Variants in PLXNB1 observed in about 807,000 individuals in gnomAD.
PLXNB1 encodes the protein plexin B1.
A neutral mutation model predicts 209.4 loss-of-function variants in PLXNB1; 106 were observed. The ratio of observed to expected loss-of-function variants is 0.51; its 90% CI spans 0.43 to 0.59. The LOEUF (loss-of-function observed/expected upper bound fraction) is 0.59. Ranked by LOEUF, PLXNB1 falls within the 20% of genes least tolerant of loss-of-function variation. PLXNB1 has a pLI of 0.00. For missense variants in PLXNB1, 2,357 were observed against 2,853.2 expected, an observed-to-expected ratio of 0.83 and a Z score of 3.96; for synonymous variants, 1,167 against 1,183.2, an observed-to-expected ratio of 0.99 and a Z score of 0.28.
At position 48,407,021 on chromosome 3, in the gene PLXNB1, C is replaced by T. The variant is rs1466696002; in HGVS notation, c.6152+6G>A. The T allele has an allele frequency of 1.2e-6, 2 of 1,614,098 alleles. No homozygotes were observed. Among genetic ancestry groups the T allele is most frequent in the Non-Finnish European group, 8.5e-7 (1 of 1,179,972 alleles). On this transcript the variant is annotated splice_donor_region_variant and intron_variant, in intron 35 of 37. Coordinates refer to ENST00000296440, the MANE Select transcript of PLXNB1 (RefSeq NM_001130082.3). Reference sequence around the variant, plus strand: ...TCCAACCTCTACCCACCGTGCCCTCCAGTACCTTTCCACCATCCGCTTGTA... The same window carrying T: ...TCCAACCTCTACCCACCGTGCCCTCTAGTACCTTTCCACCATCCGCTTGTA...
rs944970439 is a variant in PLXNB1, at chr3:48,404,260, C to A, written c.*226G>T. On this transcript the variant is annotated 3_prime_UTR_variant, in exon 38 of 38. Transcript: ENST00000296440. ...CCTGCAGACCGGTGTCACAGGGTCG[C>A]TGGACTCGGGGAGCAGGCTGGGTAC... The A allele has an allele frequency of 7.5e-6, 4 of 534,784 alleles. No individual in the cohort carries two copies. In the African/African-American group the frequency reaches 7.6e-5, roughly 10 times the overall value. The allele number at this position is 534,784 out of a possible 1,614,324, so 33.1% of individuals were successfully genotyped here.
At chr3:48,407,149 C>T in intron 34 of PLXNB1, 58 bp from the exon 35 acceptor site, 4 of 1,491,918 alleles carry the variant, frequency 2.7e-6, no homozygotes, top group South Asian at 1.1e-5. Flanking sequence ...GGTCCCTGTT[C>T]GAGTGATCAA....
Position 48,404,499 on chromosome 3 carries a change from A to G in PLXNB1, c.6395T>C (p.Val2132Ala). The change falls in exon 38 of 38, where the codon GTC becomes GCC. Residue 2132 changes from valine to alanine, a missense_variant. This residue lies in a region of PLXNB1 where 414 missense variants were observed against 520.5 expected (regional missense o/e 0.80). Coordinates refer to ENST00000296440, the MANE Select transcript of PLXNB1 (RefSeq NM_001130082.3). ...GCTCCTGGGTTCCTATAGATCTGTG[A>G]CCTTGTTTTCCACAGCAGCTGCAAT... ...QQIAAAVENK[V>A]TDL 6.2e-7 allele frequency: 1 copy of G among 1,611,898 alleles called. No homozygotes were observed. The highest frequency in any genetic ancestry group is 8.5e-7 in the Non-Finnish European group (1 of 1,178,176).
rs1367575526 is a variant in PLXNB1 at position 48,419,522 on chromosome 3, T to G, written c.2709+55A>C. On this transcript the variant is annotated intron_variant, in intron 11 of 37. Transcript: ENST00000296440. The surrounding 1 kb of genome is among the most constrained non-coding windows in gnomAD (Gnocchi z 5.7). ...GCAGAATCACAAGGCAAGCTAGGGG[T>G]AGCATCTTCCCCACATCCCCTCCCC... is the stretch of plus-strand genomic sequence containing the variant. The G allele has an allele frequency of 2.6e-6, 4 of 1,530,228 alleles. No homozygotes were observed. Among genetic ancestry groups the G allele is most frequent in the Non-Finnish European group, 3.6e-6 (4 of 1,124,184 alleles). The allele number at this position is 1,530,228 out of a possible 1,614,324, so 94.8% of individuals were successfully genotyped here. A position where few individuals can be genotyped will look rare whatever the true frequency, so the allele number is the denominator to read the frequency against.
Position 48,413,995 on chromosome 3 carries a change from G to A in PLXNB1, c.4286C>T (p.Thr1429Met), listed in dbSNP as rs754288858. The A allele has an allele frequency of 2.5e-6, 4 of 1,613,840 alleles. No homozygotes were observed. Among genetic ancestry groups the A allele is most frequent in the Admixed American group, 1.7e-5 (1 of 60,024 alleles). ...GCAGTACAGGTGGTGCCGCGTCAGC[G>A]TCTTCACCACACAGGGGCCATCCCC... The part of the protein sequence containing the change: ...MIGDGPCVVK[T>M]LTRHHLYCEP... Residue 1429 changes from threonine (T) to methionine (M), a missense_variant, in exon 22 of 38, where the codon ACG (threonine) becomes ATG (methionine). Thr to Met is a moderately conservative substitution (Grantham distance 81, BLOSUM62 -1). This residue lies in a region of PLXNB1 where 743 missense variants were observed against 896.2 expected (regional missense o/e 0.83). Coordinates refer to ENST00000296440, the MANE Select transcript of PLXNB1 (RefSeq NM_001130082.3). This position sits in a 1 kb window ranked among gnomAD's most constrained non-coding sequence, Gnocchi z 5.4.
rs2039055587 is a variant in PLXNB1 at position 48,429,145 on chromosome 3, C to G, written c.-60+863G>C. 6.6e-6 allele frequency: 1 copy of G among 152,240 alleles called. No homozygotes were observed. Among genetic ancestry groups the G allele is most frequent in the African/African-American group, 2.4e-5 (1 of 41,460 alleles). The allele number at this position is 152,240 out of a possible 1,614,324, so 9.4% of individuals were successfully genotyped here. On this transcript the variant is annotated intron_variant, in intron 1 of 37. Transcript: ENST00000296440. The surrounding 1 kb of genome is among the most constrained non-coding windows in gnomAD (Gnocchi z 6.4). ...TGGTCCCAACTCTCAAAACCAAAGC[C>G]GCCCACCACTCACCCAGGCCGCCCC... is the stretch of plus-strand genomic sequence containing the variant.
In PLXNB1 at chr3:48,410,589, G is replaced by T. The variant is rs1170745779; in HGVS notation, c.5417-31C>A. 2.6e-6 allele frequency: 4 copies of T among 1,563,682 alleles called. No homozygotes were observed. Among genetic ancestry groups the T allele is most frequent in the Middle Eastern group, 4.0e-4 (2 of 4,962 alleles). ...AGGGCAAGGCAGAACTGGGTGCAGG[G>T]CTGGAAGATACCCTTCCCATAGTGG... On this transcript the variant is annotated intron_variant, in intron 29 of 37. Coordinates refer to ENST00000296440, the MANE Select transcript of PLXNB1 (RefSeq NM_001130082.3). This position sits in a 1 kb window ranked among gnomAD's most constrained non-coding sequence, Gnocchi z 6.4.
chr3:48,418,878 C>A lies in PLXNB1; in HGVS notation c.2955+39G>T, dbSNP rs975454339. The A allele has an allele frequency of 6.2e-7, 1 of 1,611,722 alleles. No homozygotes were observed. Among genetic ancestry groups the A allele is most frequent in the Non-Finnish European group, 8.5e-7 (1 of 1,179,048 alleles). On this transcript the variant is annotated intron_variant, in intron 13 of 37. Coordinates refer to ENST00000296440, the MANE Select transcript of PLXNB1 (RefSeq NM_001130082.3). The surrounding 1 kb of genome is among the most constrained non-coding windows in gnomAD (Gnocchi z 6.6). ...GTTGGCAGCCAGCCTGTGGCCAGTG[C>A]AGTGCACCCGTGCCCACCCAGGCGC...
In PLXNB1 at chr3:48,418,302, G is replaced by A. The variant is rs759386063; in HGVS notation, c.3111C>T (p.Pro1037=). The A allele has an allele frequency of 8.7e-6, 14 of 1,613,598 alleles. No individual in the cohort carries two copies. In the Admixed American group the frequency reaches 1.0e-4, roughly 12 times the overall value. ...GDCSRCQTAM[P]QYGCVWCEGE... ...CCTCACACCACACACAGCCATACTG[G>A]GGCATGGCAGTTTGGCAGCGGCTGC... Residue 1037 remains proline (P), a synonymous_variant, in exon 15 of 38, where the codon CCC becomes CCT. Transcript: ENST00000296440. This position sits in a 1 kb window ranked among gnomAD's most constrained non-coding sequence, Gnocchi z 6.6.
rs767985832 is a variant in PLXNB1 at position 48,424,115 on chromosome 3, A to G, written c.497T>C (p.Leu166Pro). Residue 166 changes from leucine to proline, a missense_variant, in exon 3 of 38, where the codon CTG (leucine) becomes CCG (proline). Leu to Pro is a moderately conservative substitution (Grantham distance 98). Transcript: ENST00000296440. ...GCTGGTGTATCCTCGCCCCACAAAC[A>G]GGAGGGGCTCCCCTGCCAAGCCCTG... Reference protein sequence around the residue: ...VAQGLAGEPLLFVGRGYTSRG... With the variant: ...VAQGLAGEPLPFVGRGYTSRG... The G allele has an allele frequency of 6.4e-7, 1 of 1,555,908 alleles. No individual in the cohort carries two copies. Among genetic ancestry groups the G allele is most frequent in the Non-Finnish European group, 8.7e-7 (1 of 1,149,866 alleles).
intron 1 of PLXNB1, among the ~76,000 whole-genome samples, chr3:48,426,615 G>T (rs936645433): frequency 6.6e-6 from 1 of 152,254 alleles, no homozygotes; most frequent in African/African-American, 2.4e-5. Context: ...CCTGGTGGAA[G>T]CCGGGACACT....
At position 48,418,111 on chromosome 3, in the gene PLXNB1, C is replaced by A. The variant is rs768626701; in HGVS notation, c.3223-49G>T. On this transcript the variant is annotated intron_variant, in intron 15 of 37. Transcript: ENST00000296440. The surrounding 1 kb of genome is among the most constrained non-coding windows in gnomAD (Gnocchi z 6.6). ...ACCTCTACTCAACTGGAAAGGCAGCCCCAACCTCCCACCTTTGGGCCCCCA... is the reference window on the plus strand; with the variant it reads ...ACCTCTACTCAACTGGAAAGGCAGCACCAACCTCCCACCTTTGGGCCCCCA... 6.2e-7 allele frequency: 1 copy of A among 1,607,328 alleles called. No individual in the cohort carries two copies. The highest frequency in any genetic ancestry group is 8.5e-7 in the Non-Finnish European group (1 of 1,175,596).
At chr3:48,427,438 T>A (rs977309933) in intron 1 of PLXNB1, among the ~76,000 whole-genome samples, 1 of 152,074 alleles carries the variant, frequency 6.6e-6, no homozygotes, top group African/African-American at 2.4e-5. Context: ...GCACATGGAT[T>A]TCACTTAATC....
intron 3 of PLXNB1, 31 bp from the exon 4 acceptor site, chr3:48,422,978 C>G: frequency 6.3e-7 from 1 of 1,596,334 alleles, no homozygotes; most frequent in Non-Finnish European, 8.6e-7. Flanking sequence ...CAGGAAGGCC[C>G]TCCCTGGATA....
chr3:48,426,623 A>T (rs747388898), intron 1 of PLXNB1, among the ~76,000 whole-genome samples: 1 of 152,330 alleles, frequency 6.6e-6, no homozygotes, highest in South Asian at 2.1e-4. Context: ...AAGCCGGGAC[A>T]CTGTGGCCAC....
In PLXNB1 at chr3:48,423,919, C is replaced by T; in HGVS notation, c.693G>A (p.Leu231=). 2 of 1,614,182 alleles carry T rather than the reference C, an allele frequency of 1.2e-6. No homozygotes were observed. Among genetic ancestry groups the T allele is most frequent in the Admixed American group, 1.7e-5 (1 of 60,028 alleles). Residue 231 remains leucine, a synonymous_variant, in exon 3 of 38, where the codon CTG becomes CTA. Coordinates refer to ENST00000296440, the MANE Select transcript of PLXNB1 (RefSeq NM_001130082.3). ...GAGCCTGCAGGTCCCGCCGCAGGAA[C>T]AGGAAGTAGGCGCTGGCCCCACGTG... is the stretch of plus-strand genomic sequence containing the variant. The part of the protein sequence containing the change: ...AFARGASAYF[L]FLRRDLQAQS...
rs751679973 is a variant in PLXNB1, at chr3:48,405,674, C to G, written c.6303+50G>C. On this transcript the variant is annotated intron_variant, in intron 37 of 37. Coordinates refer to ENST00000296440, the MANE Select transcript of PLXNB1 (RefSeq NM_001130082.3). This position sits in a 1 kb window ranked among gnomAD's most constrained non-coding sequence, Gnocchi z 5.0. ...CACAGGGTCAGAGCCCCTTAAGTCT[C>G]CTGGGAGGCCTTGGGTCAGCCTCCC... is the stretch of plus-strand genomic sequence containing the variant. 5.5e-6 allele frequency: 8 copies of G among 1,451,710 alleles called. No homozygotes were observed. The highest frequency in any genetic ancestry group is 1.7e-4 in the Middle Eastern group (1 of 5,744). 89.9% of individuals were successfully genotyped at this position (1,451,710 alleles called of 1,614,324 possible).
chr3:48,417,969 C>T lies in PLXNB1; in HGVS notation c.3316G>A (p.Val1106Ile). ...GCACAGGGCACTCCAGCCACCGTGA[C>T]CATGCCCAGCACATCCTGCACATGC... is the stretch of plus-strand genomic sequence containing the variant. ...GQHVQDVLGMVTVAGVPCAVD... is the reference protein window; with the variant it reads ...GQHVQDVLGMITVAGVPCAVD... Residue 1106 changes from valine to isoleucine, a missense_variant, in exon 16 of 38, where the codon GTC (valine) becomes ATC (isoleucine). Coordinates refer to ENST00000296440, the MANE Select transcript of PLXNB1 (RefSeq NM_001130082.3). The surrounding 1 kb of genome is among the most constrained non-coding windows in gnomAD (Gnocchi z 4.4). The T allele has an allele frequency of 1.2e-6, 2 of 1,613,524 alleles. No individual in the cohort carries two copies.
Position 48,420,050 on chromosome 3 carries a change from A to G in PLXNB1, c.2236T>C (p.Ser746Pro), listed in dbSNP as rs758751354. ...WGPWAGSGSI[S>P]SPGSTGSPLH... Reference sequence around the variant, plus strand: ...GGCGACCCTGTGGAGCCAGGGGAAGATATGGAGCCAGAACCTGCCCATGGC... The same window carrying G: ...GGCGACCCTGTGGAGCCAGGGGAAGGTATGGAGCCAGAACCTGCCCATGGC... The change falls in exon 11 of 38, where the codon TCT (serine) becomes CCT (proline). Residue 746 changes from serine to proline, a missense_variant. Ser to Pro is a moderately conservative substitution (Grantham distance 74). Transcript: ENST00000296440. The G allele has an allele frequency of 6.2e-7, 1 of 1,612,660 alleles. No individual in the cohort carries two copies. Among genetic ancestry groups the G allele is most frequent in the East Asian group, 2.2e-5 (1 of 44,856 alleles).
Sources: allele counts gnomAD v4.1 joint callset (sites outside exome capture counted in the v4.1 genomes callset), GRCh38; gene constraint gnomAD v4.1.1; regional missense constraint gnomAD v4.1.1; non-coding constraint Gnocchi (gnomAD v3.1); transcripts MANE v1.5; gene names NCBI Gene and HGNC (gene_info 2026-07-23, HGNC 2026-07-21).